Variants in ULBP3 observed in about 807,000 individuals in gnomAD.
ULBP3 encodes UL16-binding protein 3.
ULBP3 carries 25 observed loss-of-function variants against 24.9 expected under a neutral mutation model. The ratio of observed to expected loss-of-function variants is 1.00; its 90% CI spans 0.73 to 1.40. The LOEUF (loss-of-function observed/expected upper bound fraction) is 1.40, where lower values mean the gene tolerates loss of function less well. ULBP3 is among the 40% of genes most tolerant of loss of function. The probability of loss-of-function intolerance (pLI) is 0.00; values close to 1 mark genes in which losing one functional copy is unlikely to be tolerated. For missense variants in ULBP3, 306 were observed against 307.5 expected, an observed-to-expected ratio of 1.00 and a Z score of 0.04; for synonymous variants, 114 against 114.7, an observed-to-expected ratio of 0.99 and a Z score of 0.04.
chr6:150,066,976 G>T (rs1395373377), intron 1 of ULBP3, among the ~76,000 whole-genome samples: 1 of 152,112 alleles, frequency 6.6e-6, no homozygotes, highest in Non-Finnish European at 1.5e-5. Flanking sequence ...TCAACTGTCA[G>T]CAGGAAGGAG....
rs79023798 is a variant in ULBP3 at position 150,061,453 on chromosome 6, G to C, written c.*1921C>G. The stretch of plus-strand genomic sequence containing the variant: ...CTGTCTAGTAATCTCCAGTGCCTCT[G>C]GTTCATGTGAATTCAATGTGTAGCT... On this transcript the variant is annotated 3_prime_UTR_variant, in exon 5 of 5. Transcript: ENST00000367339. Among the ~76,000 whole-genome samples the C allele has an allele frequency of 2.2e-3, 335 of 152,286 alleles. 4 individuals carry two copies. The highest frequency in any genetic ancestry group is 7.5e-3 in the African/African-American group (313 of 41,540).
At chr6:150,064,443 C>T (rs764250221) in intron 4 of ULBP3, 142 bp downstream of exon 4, 8 of 733,324 alleles carry the variant, frequency 1.1e-5, no homozygotes, top group Non-Finnish European at 1.9e-5. Context: ...AAACAGGCGA[C>T]ACCAGGTCTC....
intron 3 of ULBP3, among the ~76,000 whole-genome samples, chr6:150,064,971 G>A (rs1472238745): frequency 1.3e-5 from 2 of 151,922 alleles, no homozygotes; most frequent in Non-Finnish European, 2.9e-5. Context: ...AGGAGGTGAT[G>A]CCCTAGGGCC....
Position 150,069,077 on chromosome 6 carries a change from G to A in ULBP3, c.-11C>T, listed in dbSNP as rs139986011. 48,338 of 1,608,984 alleles carry A rather than the reference G, an allele frequency of 0.03. 815 individuals are homozygous for A. Among genetic ancestry groups the A allele is most frequent in the Middle Eastern group, 0.038 (229 of 6,034 alleles). On this transcript the variant is annotated 5_prime_UTR_variant, in exon 1 of 5. Transcript: ENST00000367339. ...GGCGGCCGCTGCCATTGTAGACCAG[G>A]AGCGCCCGGGACACAAGGCGCAGTC...
intron 1 of ULBP3, among the ~76,000 whole-genome samples, chr6:150,068,334 T>G (rs2114795664): frequency 6.6e-6 from 1 of 152,258 alleles, no homozygotes; most frequent in Non-Finnish European, 1.5e-5. Flanking sequence ...ACTCTTCAAC[T>G]TACACAACTT....
intron 3 of ULBP3, 58 bp downstream of exon 3, chr6:150,065,340 A>G: frequency 1.3e-6 from 2 of 1,598,176 alleles, no homozygotes; most frequent in Non-Finnish European, 1.7e-6. Context: ...ACACTGACAG[A>G]CAAGGGTGTA....
In ULBP3 at chr6:150,065,962, C is replaced by T. The variant is rs373626721; in HGVS notation, c.289G>A (p.Glu97Lys). 1.9e-6 allele frequency: 3 copies of T among 1,614,238 alleles called. No homozygotes were observed. Among genetic ancestry groups the T allele is most frequent in the African/African-American group, 1.3e-5 (1 of 75,066 alleles). Residue 97 changes from glutamate to lysine, a missense_variant, in exon 2 of 5, where the codon GAG becomes AAG. Coordinates refer to ENST00000367339, the MANE Select transcript of ULBP3 (RefSeq NM_024518.3). ...AWGKQLEMLR[E>K]VGQRLRLELA... ...TCCAGTCTGAGCCTCTGCCCCACCT[C>T]TCTCAGCATTTCCAGTTGTTTTCCC...
intron 1 of ULBP3, among the ~76,000 whole-genome samples, chr6:150,068,148 C>T (rs992929880): frequency 2.6e-5 from 4 of 152,136 alleles, no homozygotes; most frequent in African/African-American, 4.8e-5. Context: ...CTACACCCCC[C>T]CACCCTCAGG....
intron 1 of ULBP3, among the ~76,000 whole-genome samples, chr6:150,067,373 T>C (rs925176445): frequency 6.6e-6 from 1 of 152,252 alleles, no homozygotes; most frequent in African/African-American, 2.4e-5. Flanking sequence ...CTGTACACCA[T>C]GAAACAGCAA....
rs1776278254 is a variant in ULBP3 at position 150,061,913 on chromosome 6, CCA to C, written c.*1459_*1460del. Among the ~76,000 whole-genome samples the C allele has an allele frequency of 6.6e-6, 1 of 152,186 alleles. No homozygotes were observed. Among genetic ancestry groups the C allele is most frequent in the Non-Finnish European group, 1.5e-5 (1 of 68,028 alleles). On this transcript the variant is annotated 3_prime_UTR_variant, in exon 5 of 5. Transcript: ENST00000367339. ...TTCCTCTGCAGCCTCACCACCATCT[CCA>C]ACTTTGTGACTGGTAAGAGATGGTA...
intron 3 of ULBP3, among the ~76,000 whole-genome samples, chr6:150,064,994 T>C (rs1479799484): frequency 6.6e-6 from 1 of 151,056 alleles, no homozygotes; most frequent in Non-Finnish European, 1.5e-5. Context: ...GACAGGAGAG[T>C]CTCGGGGCTG....
intron 4 of ULBP3, 145 bp downstream of exon 4, chr6:150,064,440 C>T (rs752859667): frequency 5.5e-5 from 39 of 715,420 alleles, no homozygotes; most frequent in Admixed American, 3.2e-4. Flanking sequence ...TGCAAACAGG[C>T]GACACCAGGT....
At chr6:150,067,502 T>A (rs138905744) in intron 1 of ULBP3, among the ~76,000 whole-genome samples, 2 of 152,222 alleles carry the variant, frequency 1.3e-5, no homozygotes, top group Non-Finnish European at 2.9e-5. Context: ...ACAGATGGAC[T>A]TCTGTGTCAG....
intron 4 of ULBP3, 58 bp downstream of exon 4, chr6:150,064,527 C>A: frequency 6.7e-7 from 1 of 1,502,714 alleles, no homozygotes; most frequent in East Asian, 2.3e-5. Context: ...TTCTCCTTTC[C>A]CTTCCTCCCA....
At position 150,066,074 on chromosome 6, in the gene ULBP3, CT is replaced by C; in HGVS notation, c.176del (p.Gln59ArgfsTer20). 1 of 1,614,192 alleles carries C rather than the reference CT, an allele frequency of 6.2e-7. No individual in the cohort carries two copies. Among genetic ancestry groups the C allele is most frequent in the Non-Finnish European group, 8.5e-7 (1 of 1,180,042 alleles). ...QWCEVQSQVD[Q>X]KNFLSYDCGS... Reference sequence around the variant, plus strand: ...CACAGTCATAGGAGAGAAAATTCTTCTGATCCACCTGGCTCTGGACCTCACA... The same window carrying C: ...CACAGTCATAGGAGAGAAAATTCTTCGATCCACCTGGCTCTGGACCTCACA... On this transcript the variant is annotated frameshift_variant, in exon 2 of 5. Transcript: ENST00000367339. LOFTEE classifies it high-confidence loss of function.
intron 4 of ULBP3, among the ~76,000 whole-genome samples, chr6:150,063,762 G>A (rs1336228860): frequency 3.3e-5 from 5 of 152,174 alleles, no homozygotes; most frequent in Non-Finnish European, 5.9e-5. Context: ...CCTCACCCTG[G>A]GAGCTGCACC....
chr6:150,064,123 G>A (rs186924724), intron 4 of ULBP3, among the ~76,000 whole-genome samples: 5 of 152,242 alleles, frequency 3.3e-5, no homozygotes, highest in East Asian at 3.9e-4. Context: ...CAGCCCCCTC[G>A]TCCTGGGATT....
At position 150,065,357 on chromosome 6, in the gene ULBP3, T is replaced by C. The variant is rs1776329664; in HGVS notation, c.628+41A>G. The C allele has an allele frequency of 9.9e-6, 16 of 1,608,988 alleles. No individual in the cohort carries two copies. In the East Asian group the frequency reaches 3.6e-4, roughly 36 times the overall value. On this transcript the variant is annotated intron_variant, in intron 3 of 4. Coordinates refer to ENST00000367339, the MANE Select transcript of ULBP3 (RefSeq NM_024518.3). ...ACTGACAGACAAGGGTGTAACTCGA[T>C]GGCATCTCCAACATGCTCCCAGTGC...
At chr6:150,067,334 C>G (rs561609337) in intron 1 of ULBP3, among the ~76,000 whole-genome samples, 3 of 152,354 alleles carry the variant, frequency 2.0e-5, no homozygotes, top group East Asian at 3.9e-4. Context: ...GCCTCCCCCA[C>G]AGAGCCAGAT....
Sources: allele counts gnomAD v4.1 joint callset (sites outside exome capture counted in the v4.1 genomes callset), GRCh38; gene constraint gnomAD v4.1.1; transcripts MANE v1.5; gene names NCBI Gene and HGNC (gene_info 2026-07-23, HGNC 2026-07-21).